Variants in MATN2 observed in about 807,000 individuals in gnomAD.
MATN2 encodes the protein matrilin-2.
A neutral mutation model predicts 103.2 loss-of-function variants in MATN2; 69 were observed. The observed-to-expected ratio is 0.67, with a 90% CI of 0.55 to 0.82. The LOEUF (loss-of-function observed/expected upper bound fraction) is 0.82, where lower values mean the gene tolerates loss of function less well. MATN2 is among the 40% of genes least tolerant of loss of function. The pLI is 0.00. For synonymous variants in MATN2, 429 were observed against 450.2 expected (o/e 0.95, Z 0.60); for missense variants, 1,023 against 1,211.5 (o/e 0.84, Z 2.31).
rs754991586 is a variant in MATN2, at chr8:98,018,068, G to A, written c.1771G>A (p.Glu591Lys). 1.3e-4 allele frequency: 216 copies of A among 1,613,804 alleles called. No homozygotes were observed. Among genetic ancestry groups the A allele is most frequent in the Non-Finnish European group, 1.7e-4 (201 of 1,179,828 alleles). ...CVNSDDSYTC[E>K]CLEGFRLAED... Reference sequence around the variant, plus strand: ...GAACAGTGATGACTCATACACGTGCGAGTGCTTGGAGGGATTCCGGCTCGC... The same window carrying A: ...GAACAGTGATGACTCATACACGTGCAAGTGCTTGGAGGGATTCCGGCTCGC... Residue 591 changes from glutamate to lysine, a missense_variant, in exon 12 of 19, where the codon GAG (glutamate) becomes AAG (lysine). Transcript: ENST00000254898.
chr8:97,894,391 A>G (rs1027172118), intron 2 of MATN2, among the ~76,000 whole-genome samples: 2 of 128,624 alleles, frequency 1.6e-5, no homozygotes, highest in African/African-American at 6.1e-5. Flanking sequence ...GTGCAGTGGC[A>G]CTATCATAGC....
intron 16 of MATN2, among the ~76,000 whole-genome samples, 198 bp from the exon 17 acceptor site, chr8:98,032,844 T>TG (rs2130459966): frequency 7.2e-6 from 1 of 138,464 alleles, no homozygotes; most frequent in South Asian, 2.2e-4. Flanking sequence ...TTTTGTTTTG[T>TG]TTTTTGTTGT....
At chr8:97,992,111 C>T (rs1812410778) in intron 6 of MATN2, among the ~76,000 whole-genome samples, 1 of 152,056 alleles carries the variant, frequency 6.6e-6, no homozygotes, top group African/African-American at 2.4e-5. Context: ...AATTTATAAC[C>T]ATACTGCAGT....
chr8:98,022,888 G>C (rs1813654699), intron 13 of MATN2, among the ~76,000 whole-genome samples: 1 of 152,156 alleles, frequency 6.6e-6, no homozygotes, highest in Non-Finnish European at 1.5e-5. Flanking sequence ...AGGAGTTCGA[G>C]ACCAGCCTGG....
intron 4 of MATN2, among the ~76,000 whole-genome samples, chr8:97,946,515 G>T (rs1352277571): frequency 6.6e-6 from 1 of 152,146 alleles, no homozygotes; most frequent in Non-Finnish European, 1.5e-5. Flanking sequence ...TGGGGGGAAA[G>T]AAAACCTCAT....
intron 6 of MATN2, among the ~76,000 whole-genome samples, chr8:97,989,828 T>C (rs905145742): frequency 2.6e-5 from 4 of 152,092 alleles, no homozygotes; most frequent in Non-Finnish European, 4.4e-5. Context: ...AAGATCAATA[T>C]ACAAAAATAA....
At chr8:97,915,063 G>A (rs112993035) in intron 2 of MATN2, among the ~76,000 whole-genome samples, 6 of 151,978 alleles carry the variant, frequency 3.9e-5, no homozygotes, top group African/African-American at 1.4e-4. Context: ...CATAGCTCAC[G>A]GCAACCTTGA....
At chr8:98,010,972 T>C (rs75079874) in intron 10 of MATN2, among the ~76,000 whole-genome samples, 1,603 of 152,288 alleles carry the variant, frequency 0.011, 18 homozygotes, top group African/African-American at 0.036. Context: ...CAAAATACCA[T>C]AGACTGAATG....
chr8:97,977,235 C>CAAAAAAAA (rs34634037), intron 5 of MATN2, among the ~76,000 whole-genome samples: 7 of 35,936 alleles, frequency 1.9e-4, no homozygotes, highest in African/African-American at 2.6e-4. Flanking sequence ...GACCCTGTCT[C>CAAAAAAAA]AAAAAAAAAA....
chr8:97,992,560 A>G (rs1171310383), intron 6 of MATN2, among the ~76,000 whole-genome samples: 1 of 151,796 alleles, frequency 6.6e-6, no homozygotes, highest in Non-Finnish European at 1.5e-5. Flanking sequence ...AGCCTGGCCA[A>G]GATGGTGAAA....
intron 3 of MATN2, among the ~76,000 whole-genome samples, chr8:97,936,788 C>T (rs980312368): frequency 1.3e-5 from 2 of 152,152 alleles, no homozygotes; most frequent in Admixed American, 1.3e-4. Flanking sequence ...GCTCTCACCG[C>T]AAAGGCCCAT....
At chr8:97,974,353 G>T (rs1811761951) in intron 5 of MATN2, among the ~76,000 whole-genome samples, 1 of 152,144 alleles carries the variant, frequency 6.6e-6, no homozygotes, top group Non-Finnish European at 1.5e-5. Context: ...TGGCCAGGCT[G>T]GTCTTGAGCT....
chr8:97,926,510 G>T (rs983472568), intron 2 of MATN2, among the ~76,000 whole-genome samples: 1 of 152,204 alleles, frequency 6.6e-6, no homozygotes, highest in Non-Finnish European at 1.5e-5. Context: ...GATGGAAAGG[G>T]CATCAGGTCT....
intron 1 of MATN2, among the ~76,000 whole-genome samples, chr8:97,876,926 G>A (rs138164227): frequency 1.2e-3 from 177 of 151,092 alleles, no homozygotes; most frequent in Middle Eastern, 3.5e-3. Flanking sequence ...TTATTGCTGC[G>A]TAATATCCCA....
intron 1 of MATN2, among the ~76,000 whole-genome samples, chr8:97,884,141 T>TA: frequency 6.6e-6 from 1 of 151,964 alleles, no homozygotes; most frequent in East Asian, 1.9e-4. Flanking sequence ...TTTTTCTTTT[T>TA]TTTTTTTTCT....
chr8:97,948,215 G>C (rs577960926), intron 4 of MATN2, among the ~76,000 whole-genome samples: 2 of 152,272 alleles, frequency 1.3e-5, no homozygotes, highest in South Asian at 4.1e-4. Flanking sequence ...ACGTTGCCTT[G>C]TTTGACCTTA....
chr8:97,949,270 G>A (rs2130213351), intron 4 of MATN2, among the ~76,000 whole-genome samples: 1 of 150,728 alleles, frequency 6.6e-6, no homozygotes, highest in African/African-American at 2.4e-5. Flanking sequence ...CCTGGGCCAA[G>A]CAATTCCCCT....
At chr8:97,928,353 A>G (rs35909550) in intron 2 of MATN2, among the ~76,000 whole-genome samples, 63,447 of 151,270 alleles carry the variant, frequency 0.42, 14,417 homozygotes, top group East Asian at 0.84. Flanking sequence ...CAGCCTCCCA[A>G]GTAGCTGGGA....
At chr8:97,910,062 C>T (rs915370388) in intron 2 of MATN2, among the ~76,000 whole-genome samples, 5 of 148,874 alleles carry the variant, frequency 3.4e-5, no homozygotes, top group East Asian at 2.0e-4. Flanking sequence ...GGATTACAGG[C>T]GACTTTTTTT....
Sources: allele counts gnomAD v4.1 joint callset (sites outside exome capture counted in the v4.1 genomes callset), GRCh38; gene constraint gnomAD v4.1.1; transcripts MANE v1.5; gene names NCBI Gene and HGNC (gene_info 2026-07-23, HGNC 2026-07-21).